Variants in LSAMP observed in about 807,000 individuals in gnomAD.
The protein encoded by LSAMP is limbic system associated membrane protein, also known as limbic system-associated membrane protein.
A neutral mutation model predicts 38.6 loss-of-function variants in LSAMP; 7 were observed. The ratio of observed to expected loss-of-function variants is 0.18; its 90% CI spans 0.10 to 0.34. The LOEUF (loss-of-function observed/expected upper bound fraction) is 0.34. Among genes scored for constraint, LSAMP ranks in the 10% least tolerant of loss-of-function variants. The pLI, the probability that LSAMP is intolerant of heterozygous loss-of-function variation, is 1.00. For synonymous variants in LSAMP, 154 were observed against 166.8 expected, an observed-to-expected ratio of 0.92 and a Z score of 0.59; for missense variants, 313 against 420.0, an observed-to-expected ratio of 0.75 and a Z score of 2.23.
At chr3:116,372,705 TA>T (rs34081216) in intron 1 of LSAMP, among the ~76,000 whole-genome samples, 124,231 of 150,872 alleles carry the variant, frequency 0.82, 51,322 homozygotes, top group South Asian at 0.93. Flanking sequence ...TTGCCCTTAT[TA>T]AAAAAAAATG....
At chr3:116,381,055 G>A (rs1303770660) in intron 1 of LSAMP, among the ~76,000 whole-genome samples, 1 of 151,948 alleles carries the variant, frequency 6.6e-6, no homozygotes, top group African/African-American at 2.4e-5. Flanking sequence ...CACTCATATG[G>A]AAAGAGGTAT....
chr3:116,093,448 G>A (rs550903388), intron 1 of LSAMP, among the ~76,000 whole-genome samples: 5 of 152,176 alleles, frequency 3.3e-5, no homozygotes, highest in African/African-American at 1.2e-4. Flanking sequence ...TGTTTTCATA[G>A]GCTTATGCTT....
chr3:116,232,263 C>T (rs2046410054), intron 1 of LSAMP, among the ~76,000 whole-genome samples: 1 of 152,138 alleles, frequency 6.6e-6, no homozygotes, highest in East Asian at 1.9e-4. Flanking sequence ...TGTTTAGGGC[C>T]ATTTCACTAG....
chr3:116,265,733 C>G (rs2046882712), intron 1 of LSAMP, among the ~76,000 whole-genome samples: 1 of 152,164 alleles, frequency 6.6e-6, no homozygotes, highest in Non-Finnish European at 1.5e-5. Flanking sequence ...GACTCAAATA[C>G]AGGCTTCCTG....
In LSAMP at chr3:115,836,481, A is replaced by G. The variant is rs558369611; in HGVS notation, c.919+5364T>C. 3.3e-5 allele frequency among the ~76,000 whole-genome samples: 5 copies of G among 152,274 alleles called. No individual in the cohort carries two copies. In the South Asian group the frequency reaches 1.0e-3, roughly 32 times the overall value. On this transcript the variant is annotated intron_variant, in intron 6 of 6. Transcript: ENST00000490035. The stretch of plus-strand genomic sequence containing the variant: ...AAGGGAGGGCAGAACCCTTGGTGCT[A>G]TGCACTTCTCCTTTGGCAGCTGCTA...
chr3:116,234,004 A>G (rs2046435191), intron 1 of LSAMP, among the ~76,000 whole-genome samples: 1 of 152,250 alleles, frequency 6.6e-6, no homozygotes, highest in South Asian at 2.1e-4. Flanking sequence ...TGGTTCAAGC[A>G]AAAAACTTCT....
intron 3 of LSAMP, among the ~76,000 whole-genome samples, chr3:116,013,247 T>G (rs1321525747): frequency 6.6e-6 from 1 of 152,168 alleles, no homozygotes; most frequent in African/African-American, 2.4e-5. Flanking sequence ...GTGCAGATCT[T>G]CTCAATGACT....
At chr3:116,015,343 T>C (rs1426846254) in intron 3 of LSAMP, among the ~76,000 whole-genome samples, 1 of 152,058 alleles carries the variant, frequency 6.6e-6, no homozygotes, top group East Asian at 1.9e-4. Context: ...GACTTCCTCA[T>C]GAATGTGAGA....
chr3:116,216,155 C>T (rs995741596), intron 1 of LSAMP, among the ~76,000 whole-genome samples: 2 of 152,052 alleles, frequency 1.3e-5, no homozygotes, highest in South Asian at 2.1e-4. Context: ...TAAGTTTAAG[C>T]CTCTTATTAT....
At chr3:116,243,394 A>G (rs2046565006) in intron 1 of LSAMP, among the ~76,000 whole-genome samples, 1 of 152,242 alleles carries the variant, frequency 6.6e-6, no homozygotes, top group Admixed American at 6.5e-5. Flanking sequence ...TATGAAGATC[A>G]GATCTGAGGA....
chr3:116,135,630 G>A (rs1709231074), intron 1 of LSAMP, among the ~76,000 whole-genome samples: 1 of 152,118 alleles, frequency 6.6e-6, no homozygotes. Context: ...GATGTATTGT[G>A]TCACTAACCA....
chr3:115,933,948 T>C lies in LSAMP; in HGVS notation c.515-81331A>G, dbSNP rs1937623430. Among the ~76,000 whole-genome samples, 5 of 152,196 alleles carry C rather than the reference T, an allele frequency of 3.3e-5. No homozygotes were observed. The South Asian group carries it at 1.0e-3, about 32-fold the overall frequency. On this transcript the variant is annotated intron_variant, in intron 3 of 6. Coordinates refer to ENST00000490035, the MANE Select transcript of LSAMP (RefSeq NM_002338.5). ...GGGCAGAAGCAATAAATGTAATTCA[T>C]TCTTTTAAAAATGTTGGCATTAAAA...
chr3:115,957,859 G>A (rs200675820), intron 3 of LSAMP, among the ~76,000 whole-genome samples: 2 of 152,098 alleles, frequency 1.3e-5, no homozygotes, highest in East Asian at 3.9e-4. Flanking sequence ...TCACCTTGTT[G>A]TAGAGGCTTT....
At chr3:116,430,348 C>T (rs1454521888) in intron 1 of LSAMP, among the ~76,000 whole-genome samples, 1 of 151,928 alleles carries the variant, frequency 6.6e-6, no homozygotes, top group Non-Finnish European at 1.5e-5. Flanking sequence ...TTAAAAAAAT[C>T]CAAAATAAAC....
intron 3 of LSAMP, among the ~76,000 whole-genome samples, chr3:115,882,895 A>G (rs1248536741): frequency 6.6e-6 from 1 of 152,034 alleles, no homozygotes; most frequent in Non-Finnish European, 1.5e-5. Flanking sequence ...ACAAAACCCT[A>G]GCAGCTTTCC....
intron 3 of LSAMP, among the ~76,000 whole-genome samples, chr3:116,009,859 GA>G (rs11338148): frequency 0.026 from 3,923 of 148,646 alleles, 138 homozygotes; most frequent in African/African-American, 0.086. Context: ...CATACATAAA[GA>G]AAAAAAAAAT....
chr3:116,395,099 C>T (rs2048752041), intron 1 of LSAMP, among the ~76,000 whole-genome samples: 1 of 152,006 alleles, frequency 6.6e-6, no homozygotes, highest in East Asian at 1.9e-4. Flanking sequence ...GGTTTTTTCC[C>T]TTTTACTCTC....
chr3:115,907,434 G>T (rs1218809603), intron 3 of LSAMP, among the ~76,000 whole-genome samples: 1 of 151,858 alleles, frequency 6.6e-6, no homozygotes, highest in Admixed American at 6.6e-5. Context: ...CTATGAAGCA[G>T]AGAGTGGGCC....
chr3:115,846,961 C>T (rs1200021682), intron 4 of LSAMP, among the ~76,000 whole-genome samples: 2 of 152,132 alleles, frequency 1.3e-5, no homozygotes, highest in Admixed American at 1.3e-4. Context: ...TCCCTTGCAG[C>T]CCCTCACCTA....
Sources: allele counts gnomAD v4.1 joint callset (sites outside exome capture counted in the v4.1 genomes callset), GRCh38; gene constraint gnomAD v4.1.1; transcripts MANE v1.5; gene names NCBI Gene and HGNC (gene_info 2026-07-23, HGNC 2026-07-21).